Variants in ADCY5 observed in about 807,000 individuals in gnomAD.
ADCY5 encodes adenylate cyclase 5.
Under a neutral mutation model 119.7 loss-of-function variants are expected in ADCY5, and 30 were observed. That is an observed-to-expected ratio of 0.25 (90% CI 0.19 to 0.34). ADCY5 has a LOEUF of 0.34. Among genes scored for constraint, ADCY5 ranks in the 10% least tolerant of loss-of-function variants. The pLI is 1.00. For missense variants in ADCY5, 1,324 were observed against 1,775.2 expected, an observed-to-expected ratio of 0.75 and a Z score of 4.57; for synonymous variants, 753 against 762.2, an observed-to-expected ratio of 0.99 and a Z score of 0.20.
intron 1 of ADCY5, among the ~76,000 whole-genome samples, chr3:123,421,063 A>G (rs1365246698): frequency 6.6e-6 from 1 of 152,058 alleles, no homozygotes. Flanking sequence ...ACATCTTAAC[A>G]TTGTCATTTG....
At chr3:123,362,554 A>G (rs1196797360) in intron 1 of ADCY5, among the ~76,000 whole-genome samples, 1 of 152,156 alleles carries the variant, frequency 6.6e-6, no homozygotes, top group Admixed American at 6.5e-5. Flanking sequence ...GCAACCGGAG[A>G]GAAATAACAG....
At chr3:123,365,622 G>T (rs1943409875) in intron 1 of ADCY5, among the ~76,000 whole-genome samples, 1 of 152,180 alleles carries the variant, frequency 6.6e-6, no homozygotes, top group African/African-American at 2.4e-5. Flanking sequence ...TGGAGTGAGT[G>T]GGTTATGAGT....
chr3:123,419,929 C>T (rs752616614), intron 1 of ADCY5, among the ~76,000 whole-genome samples: 83 of 151,928 alleles, frequency 5.5e-4, no homozygotes, highest in Non-Finnish European at 1.0e-3. Context: ...TTGTAGACAC[C>T]CCCCCACCCC....
At chr3:123,321,677 G>C (rs777916262) in intron 8 of ADCY5, among the ~76,000 whole-genome samples, 5 of 152,178 alleles carry the variant, frequency 3.3e-5, no homozygotes, top group African/African-American at 9.7e-5. Flanking sequence ...AACAGAGTTC[G>C]GCAAACACTG....
At chr3:123,302,273 C>T (rs926419020) in intron 14 of ADCY5, among the ~76,000 whole-genome samples, 3 of 152,218 alleles carry the variant, frequency 2.0e-5, no homozygotes, top group Non-Finnish European at 4.4e-5. Context: ...GCAACTTGCA[C>T]GCCACAGGTG....
chr3:123,405,686 G>A (rs1196044149), intron 1 of ADCY5, among the ~76,000 whole-genome samples: 1 of 152,070 alleles, frequency 6.6e-6, no homozygotes, highest in Non-Finnish European at 1.5e-5. Context: ...CCAGGCCAGA[G>A]TGCGGTGGCG....
At chr3:123,318,690 C>A (rs2108339077) in intron 10 of ADCY5, among the ~76,000 whole-genome samples, 1 of 152,332 alleles carries the variant, frequency 6.6e-6, no homozygotes. Context: ...TCCACAGCTT[C>A]ACCTTGCTAA....
intron 1 of ADCY5, among the ~76,000 whole-genome samples, chr3:123,437,696 G>A (rs1489686530): frequency 6.6e-6 from 1 of 152,130 alleles, no homozygotes; most frequent in Non-Finnish European, 1.5e-5. Flanking sequence ...TTGGAGAGTG[G>A]GGATGGGAAA....
rs763379694 is a variant in ADCY5 at position 123,297,067 on chromosome 3, T to C, written c.2930+286A>G. 23 of 1,535,386 alleles carry C rather than the reference T, an allele frequency of 1.5e-5. No homozygotes were observed. The East Asian group carries it at 5.4e-4, about 36-fold the overall frequency. On this transcript the variant is annotated intron_variant, in intron 16 of 20. Coordinates refer to ENST00000462833, the MANE Select transcript of ADCY5 (RefSeq NM_183357.3). ...CTCACACAGGCTCCTGGGGAAGAGC[T>C]TGAGGTTAAATGCTTTAACATGAGG...
intron 1 of ADCY5, among the ~76,000 whole-genome samples, chr3:123,390,182 C>T (rs1225321967): frequency 6.6e-6 from 1 of 152,232 alleles, no homozygotes; most frequent in Non-Finnish European, 1.5e-5. Flanking sequence ...GACCCTTCCC[C>T]AGCAGATGCA....
rs1057134059 is a variant in ADCY5 at position 123,318,069 on chromosome 3, A to G, written c.2305T>C (p.Ser769Pro). Reference sequence around the variant, plus strand: ...AAGCAGATGAAGAGGAAGACGAGCGAGGCACACGCCACATAGGCACCAAAT... The same window carrying G: ...AAGCAGATGAAGAGGAAGACGAGCGGGGCACACGCCACATAGGCACCAAAT... The part of the protein sequence containing the change: ...DRFGAYVACA[S>P]LVFLFICFVQ... The change falls in exon 11 of 21, where the codon TCG becomes CCG. Residue 769 changes from serine (S) to proline (P), a missense_variant. Ser to Pro is a moderately conservative substitution (Grantham distance 74). This residue lies in a region of ADCY5 where 424 missense variants were observed against 546.8 expected (regional missense o/e 0.78). Transcript: ENST00000462833. 6.2e-7 allele frequency: 1 copy of G among 1,613,804 alleles called. No homozygotes were observed. The highest frequency in any genetic ancestry group is 1.3e-5 in the African/African-American group (1 of 74,888).
chr3:123,422,803 A>G (rs1945326203), intron 1 of ADCY5, among the ~76,000 whole-genome samples: 1 of 152,226 alleles, frequency 6.6e-6, no homozygotes, highest in Non-Finnish European at 1.5e-5. Context: ...AAGGCTCCAG[A>G]AGAATCCAAG....
intron 1 of ADCY5, among the ~76,000 whole-genome samples, chr3:123,398,017 C>T (rs575858829): frequency 1.3e-5 from 2 of 152,326 alleles, no homozygotes; most frequent in Admixed American, 1.3e-4. Context: ...CTGCAAGGCA[C>T]TGACAAAGCT....
chr3:123,419,011 C>T, intron 1 of ADCY5: 1 of 420,428 alleles, frequency 2.4e-6, no homozygotes, highest in South Asian at 9.8e-5. Flanking sequence ...TTTTCTGGTC[C>T]TCCAGCTTAC....
chr3:123,356,759 T>C (rs1031343119), intron 1 of ADCY5, among the ~76,000 whole-genome samples: 1 of 152,204 alleles, frequency 6.6e-6, no homozygotes, highest in African/African-American at 2.4e-5. Context: ...AAATGAGAAA[T>C]GGTCCAGCTA....
chr3:123,353,899 T>G (rs1421923344), intron 1 of ADCY5, among the ~76,000 whole-genome samples: 2 of 152,164 alleles, frequency 1.3e-5, no homozygotes, highest in Admixed American at 6.5e-5. Flanking sequence ...ATGGTGTGTG[T>G]GCCCCGGTCC....
intron 1 of ADCY5, among the ~76,000 whole-genome samples, chr3:123,378,682 G>A (rs1439152346): frequency 6.6e-6 from 1 of 152,228 alleles, no homozygotes; most frequent in Admixed American, 6.5e-5. Context: ...TCAAATCCTG[G>A]TCATTGGCCA....
At chr3:123,292,094 C>G (rs1429975392) in intron 17 of ADCY5, among the ~76,000 whole-genome samples, 1 of 152,238 alleles carries the variant, frequency 6.6e-6, no homozygotes, top group East Asian at 1.9e-4. Flanking sequence ...CAGTAGTGCC[C>G]TACAAGGGGC....
chr3:123,392,665 T>A (rs1157014266), intron 1 of ADCY5, among the ~76,000 whole-genome samples: 6 of 152,052 alleles, frequency 3.9e-5, no homozygotes, highest in Non-Finnish European at 7.4e-5. Context: ...CTTCTCTGTA[T>A]CTTTCTTTCT....
Sources: gnomAD v4.1 joint callset for allele counts (sites outside exome capture counted in the v4.1 genomes callset) on GRCh38, gnomAD v4.1.1 for gene constraint, gnomAD v4.1.1 regional missense constraint, MANE v1.5 for transcripts, NCBI Gene and HGNC (gene_info 2026-07-23, HGNC 2026-07-21) for gene names.